Variants in CNNM2 observed in about 807,000 individuals in gnomAD.
The protein encoded by CNNM2 is cyclin and CBS domain divalent metal cation transport mediator 2.
A neutral mutation model predicts 66.9 loss-of-function variants in CNNM2; 12 were observed. The ratio of observed to expected loss-of-function variants is 0.18; its 90% CI spans 0.11 to 0.29. The LOEUF (loss-of-function observed/expected upper bound fraction) is 0.29, where lower values mean the gene tolerates loss of function less well. Ranked by LOEUF, CNNM2 falls within the 10% of genes least tolerant of loss-of-function variation. CNNM2 has a pLI of 1.00. For synonymous variants in CNNM2, 557 were observed against 501.8 expected, an observed-to-expected ratio of 1.11 and a Z score of -1.47; for missense variants, 705 against 1,167.7, an observed-to-expected ratio of 0.60 and a Z score of 5.77.
intron 1 of CNNM2, among the ~76,000 whole-genome samples, chr10:103,001,840 C>T (rs1019887806): frequency 6.2e-5 from 9 of 144,014 alleles, no homozygotes; most frequent in Non-Finnish European, 1.4e-4. Context: ...CCCCTGTATA[C>T]TAAAAATACA....
chr10:103,041,490 C>T (rs868098605), intron 1 of CNNM2, among the ~76,000 whole-genome samples: 2 of 152,198 alleles, frequency 1.3e-5, no homozygotes, highest in South Asian at 4.2e-4. Flanking sequence ...TAATGACAGG[C>T]CTTTTCTCTG....
Position 103,075,628 on chromosome 10 carries a change from C to G in CNNM2, c.2234-458C>G, listed in dbSNP as rs144914408. Among the ~76,000 whole-genome samples the G allele has an allele frequency of 3.7e-3, 556 of 152,268 alleles. 4 individuals are homozygous for G. Among genetic ancestry groups the G allele is most frequent in the African/African-American group, 0.013 (543 of 41,544 alleles). ...GTATGAGCAGATGAGTATTTTGATC[C>G]CTTTATAATACATACTGATTTATTA... On this transcript the variant is annotated intron_variant, in intron 6 of 7. Coordinates refer to ENST00000369878, the MANE Select transcript of CNNM2 (RefSeq NM_017649.5).
chr10:102,979,759 C>A (rs924283506), intron 1 of CNNM2, among the ~76,000 whole-genome samples: 1 of 148,822 alleles, frequency 6.7e-6, no homozygotes, highest in Admixed American at 6.8e-5. Context: ...GAGAATAAGA[C>A]AAATGAGGTT....
intron 1 of CNNM2, among the ~76,000 whole-genome samples, chr10:103,014,786 G>A (rs910705791): frequency 2.6e-5 from 4 of 151,920 alleles, no homozygotes; most frequent in African/African-American, 9.7e-5. Flanking sequence ...TAGAGCTTTG[G>A]GAGGCTGAGG....
intron 1 of CNNM2, among the ~76,000 whole-genome samples, chr10:103,006,155 A>G (rs1021810245): frequency 6.6e-6 from 1 of 151,862 alleles, no homozygotes; most frequent in Non-Finnish European, 1.5e-5. Context: ...GCAGGGGGAA[A>G]GCTTTCAGTA....
At chr10:103,030,033 A>G (rs1590422872) in intron 1 of CNNM2, among the ~76,000 whole-genome samples, 1 of 152,198 alleles carries the variant, frequency 6.6e-6, no homozygotes, top group African/African-American at 2.4e-5. Context: ...GCTTACATTG[A>G]ATATTTGAGG....
At chr10:103,061,718 T>C (rs1374252983) in intron 4 of CNNM2, among the ~76,000 whole-genome samples, 3 of 152,224 alleles carry the variant, frequency 2.0e-5, no homozygotes, top group Non-Finnish European at 4.4e-5. Flanking sequence ...AACATTGATG[T>C]AGAATTTCTA....
intron 1 of CNNM2, among the ~76,000 whole-genome samples, chr10:102,993,519 T>G (rs1488367784): frequency 1.3e-5 from 2 of 152,178 alleles, no homozygotes; most frequent in Non-Finnish European, 2.9e-5. Flanking sequence ...TCTGATAATT[T>G]TGGAATGTTT....
chr10:102,997,976 T>C (rs1481540203), intron 1 of CNNM2, among the ~76,000 whole-genome samples: 2 of 152,138 alleles, frequency 1.3e-5, no homozygotes, highest in Admixed American at 6.6e-5. Flanking sequence ...TGACTTGCAC[T>C]GAACTAGATA....
At chr10:103,030,878 A>G (rs566395480) in intron 1 of CNNM2, among the ~76,000 whole-genome samples, 55 of 152,330 alleles carry the variant, frequency 3.6e-4, no homozygotes, top group African/African-American at 1.3e-3. Context: ...AAGGATTAGA[A>G]GCAGGGAAAC....
chr10:103,015,960 A>G (rs548770420), intron 1 of CNNM2, among the ~76,000 whole-genome samples: 1 of 152,304 alleles, frequency 6.6e-6, no homozygotes, highest in Non-Finnish European at 1.5e-5. Context: ...GCTGGATTTT[A>G]ATCTCTACTT....
chr10:103,016,569 C>G (rs902189351), intron 1 of CNNM2, among the ~76,000 whole-genome samples: 1 of 152,118 alleles, frequency 6.6e-6, no homozygotes, highest in Non-Finnish European at 1.5e-5. Flanking sequence ...GTGTCATTTG[C>G]AATACTTATT....
chr10:103,007,478 C>T (rs945677905), intron 1 of CNNM2, among the ~76,000 whole-genome samples: 1 of 152,130 alleles, frequency 6.6e-6, no homozygotes, highest in Non-Finnish European at 1.5e-5. Flanking sequence ...TTATCTCAAC[C>T]ACGTAAGACA....
At chr10:102,961,702 G>A (rs1418467067) in intron 1 of CNNM2, among the ~76,000 whole-genome samples, 1 of 152,038 alleles carries the variant, frequency 6.6e-6, no homozygotes, top group Non-Finnish European at 1.5e-5. Flanking sequence ...TCTGAGAATA[G>A]TCAAATGGAT....
In CNNM2 at chr10:103,085,387, TG is replaced by T. The variant is rs1257386391; in HGVS notation, c.*8208del. ...TGGACACTGAGTAAACATTTTTCAG[TG>T]TGGGGAAGGTTTGCTTGGCAAATCT... On this transcript the variant is annotated 3_prime_UTR_variant, in exon 8 of 8. Coordinates refer to ENST00000369878, the MANE Select transcript of CNNM2 (RefSeq NM_017649.5). 3.3e-5 allele frequency: 5 copies of T among 152,150 alleles called. No individual in the cohort carries two copies. The highest frequency in any genetic ancestry group is 1.2e-4 in the African/African-American group (5 of 41,414). 9.4% of individuals were successfully genotyped at this position (152,150 alleles called of 1,614,324 possible). A position where few individuals can be genotyped will look rare whatever the true frequency, so the allele number is the denominator to read the frequency against.
At chr10:102,922,288 A>G (rs1482400805) in intron 1 of CNNM2, among the ~76,000 whole-genome samples, 1 of 151,988 alleles carries the variant, frequency 6.6e-6, no homozygotes, top group East Asian at 1.9e-4. Flanking sequence ...TGTTACTTAA[A>G]CTATGGGAAT....
intron 1 of CNNM2, among the ~76,000 whole-genome samples, chr10:103,031,098 G>A (rs147127492): frequency 1.4e-4 from 22 of 152,286 alleles, no homozygotes; most frequent in East Asian, 5.8e-4. Flanking sequence ...TTAGTGCATC[G>A]TGAAAAGCAT....
intron 1 of CNNM2, among the ~76,000 whole-genome samples, chr10:102,929,048 T>C (rs1315040750): frequency 6.6e-6 from 1 of 150,780 alleles, no homozygotes; most frequent in Non-Finnish European, 1.5e-5. Context: ...TCACTTGAGG[T>C]CAGGAGTTCA....
intron 1 of CNNM2, among the ~76,000 whole-genome samples, chr10:102,929,195 G>A (rs1390049742): frequency 6.6e-6 from 1 of 152,158 alleles, no homozygotes. Context: ...AGGGGGCTGA[G>A]GTTGCAGTGA....
Sources: allele counts gnomAD v4.1 joint callset (sites outside exome capture counted in the v4.1 genomes callset), GRCh38; gene constraint gnomAD v4.1.1; transcripts MANE v1.5; gene names NCBI Gene and HGNC (gene_info 2026-07-23, HGNC 2026-07-21).